The following CFAP44 variants were observed in gnomAD, a reference collection of about 807,000 sequenced individuals.
CFAP44 encodes cilia and flagella associated protein 44, also known as cilia- and flagella-associated protein 44.
In CFAP44, 134 loss-of-function variants were observed where a neutral mutation model predicts 216.2. That is an observed-to-expected ratio of 0.62 (90% CI 0.54 to 0.72). CFAP44 has a LOEUF of 0.72. CFAP44 is among the 30% of genes least tolerant of loss of function. The pLI, the probability that CFAP44 is intolerant of heterozygous loss-of-function variation, is 0.00. For missense variants in CFAP44, 2,035 were observed against 2,182.1 expected, an observed-to-expected ratio of 0.93 and a Z score of 1.34; for synonymous variants, 700 against 727.6, an observed-to-expected ratio of 0.96 and a Z score of 0.61.
chr3:113,429,039 T>C (rs1430701650), intron 2 of CFAP44: 2 of 152,144 alleles, frequency 1.3e-5, no homozygotes, highest in Admixed American at 6.5e-5. Flanking sequence ...ACAAATGCTA[T>C]GGTTGCACAT....
chr3:113,401,802 C>A (rs1934150193), intron 9 of CFAP44, 63 bp from the exon 10 acceptor site: 3 of 1,481,456 alleles, frequency 2.0e-6, no homozygotes, highest in African/African-American at 1.4e-5. Context: ...ATTTTCTAAG[C>A]CAGAAAAACC....
intron 17 of CFAP44, among the ~76,000 whole-genome samples, chr3:113,376,077 A>T (rs1933334637): frequency 6.6e-6 from 1 of 152,188 alleles, no homozygotes; most frequent in African/African-American, 2.4e-5. Context: ...TTTTTAAAAG[A>T]CAAATATAAT....
At chr3:113,360,638 T>C (rs1240888477) in intron 21 of CFAP44, 1 of 154,596 alleles carries the variant, frequency 6.5e-6, no homozygotes, top group Admixed American at 6.5e-5. Flanking sequence ...AGAAGATGTT[T>C]CTCTTGCTGG....
At chr3:113,355,785 C>T (rs1559921522) in intron 22 of CFAP44, among the ~76,000 whole-genome samples, 4 of 149,950 alleles carry the variant, frequency 2.7e-5, no homozygotes, top group African/African-American at 9.8e-5. Context: ...AAAAAAGTTA[C>T]AAAAAAAATT....
intron 34 of CFAP44, among the ~76,000 whole-genome samples, chr3:113,293,485 T>C (rs943510930): frequency 2.0e-5 from 3 of 151,932 alleles, no homozygotes; most frequent in Non-Finnish European, 2.9e-5. Flanking sequence ...CATGTAAACA[T>C]ATACTGTGTA....
intron 23 of CFAP44, among the ~76,000 whole-genome samples, chr3:113,343,042 C>A (rs1408004206): frequency 7.2e-6 from 1 of 139,348 alleles, no homozygotes; most frequent in African/African-American, 2.6e-5. Context: ...TAACAAGTTT[C>A]TTTTCTTTCT....
At chr3:113,355,859 G>T (rs2107305152) in intron 22 of CFAP44, among the ~76,000 whole-genome samples, 1 of 151,750 alleles carries the variant, frequency 6.6e-6, no homozygotes, top group South Asian at 2.1e-4. Context: ...TTACCAGGCA[G>T]ATAGGCAAAA....
chr3:113,421,162 C>G (rs1273727936), intron 4 of CFAP44, among the ~76,000 whole-genome samples: 1 of 151,944 alleles, frequency 6.6e-6, no homozygotes, highest in Non-Finnish European at 1.5e-5. Flanking sequence ...AAAAAATAAT[C>G]CCACTAAAAA....
chr3:113,404,146 T>C, intron 8 of CFAP44, 130 bp from the exon 9 acceptor site: 2 of 1,159,910 alleles, frequency 1.7e-6, no homozygotes, highest in Non-Finnish European at 2.3e-6. Flanking sequence ...AATGGAAAAA[T>C]AAAAAAATAC....
At chr3:113,320,903 T>C (rs977277219) in intron 28 of CFAP44, among the ~76,000 whole-genome samples, 3 of 152,094 alleles carry the variant, frequency 2.0e-5, no homozygotes, top group Admixed American at 2.0e-4. Context: ...GACTCAAAAG[T>C]TAATCTCCTT....
chr3:113,304,773 A>G (rs1576538219), intron 31 of CFAP44, among the ~76,000 whole-genome samples: 1 of 152,194 alleles, frequency 6.6e-6, no homozygotes, highest in African/African-American at 2.4e-5. Context: ...GCATTCTTAA[A>G]TCATAGGCTC....
intron 6 of CFAP44, among the ~76,000 whole-genome samples, chr3:113,415,737 T>G (rs1438646053): frequency 6.6e-6 from 1 of 152,060 alleles, no homozygotes; most frequent in Non-Finnish European, 1.5e-5. Flanking sequence ...ACTGTTATGA[T>G]TTCAACTCTT....
Position 113,288,096 on chromosome 3 carries a change from A to AT in CFAP44, c.*3460dup, listed in dbSNP as rs1418630990. 2.0e-5 allele frequency: 3 copies of AT among 152,158 alleles called. No homozygotes were observed. The highest frequency in any genetic ancestry group is 7.2e-5 in the African/African-American group (3 of 41,410). The allele number at this position is 152,158 out of a possible 1,614,324, so 9.4% of individuals were successfully genotyped here. A position where few individuals can be genotyped will look rare whatever the true frequency, so the allele number is the denominator to read the frequency against. On this transcript the variant is annotated 3_prime_UTR_variant, in exon 35 of 35. Transcript: ENST00000393845. Reference sequence around the variant, plus strand: ...GCTGGAGAGGGTGGGGGGAGCCTGTATTTTCTAGATTTCTGTAAAATTGAG... The same window carrying AT: ...GCTGGAGAGGGTGGGGGGAGCCTGTATTTTTCTAGATTTCTGTAAAATTGAG...
intron 26 of CFAP44, among the ~76,000 whole-genome samples, chr3:113,328,308 C>CTTTTTTTTTTTTTTTTTTTTT (rs1553753817): frequency 6.7e-6 from 1 of 149,042 alleles, no homozygotes; most frequent in African/African-American, 2.5e-5. Context: ...CAATCTCTTT[C>CTTTTTTTTTTTTTTTTTTTTT]TAAGATTGAA....
intron 15 of CFAP44, among the ~76,000 whole-genome samples, chr3:113,384,186 G>A (rs1354409542): frequency 6.6e-6 from 1 of 151,912 alleles, no homozygotes; most frequent in Non-Finnish European, 1.5e-5. Flanking sequence ...AGCCTCCCAA[G>A]TAGGTGGGAC....
chr3:113,367,260 A>C (rs906199760), intron 18 of CFAP44, among the ~76,000 whole-genome samples: 1 of 152,218 alleles, frequency 6.6e-6, no homozygotes, highest in Non-Finnish European at 1.5e-5. Context: ...CTGCCTCCTC[A>C]AGTGGGTCCC....
At chr3:113,399,438 T>C (rs1934083693) in intron 13 of CFAP44, among the ~76,000 whole-genome samples, 1 of 151,784 alleles carries the variant, frequency 6.6e-6, no homozygotes, top group African/African-American at 2.4e-5. Flanking sequence ...TAACATAACA[T>C]GTACTTAACT....
rs1950572157 is a variant in CFAP44 at position 113,364,738 on chromosome 3, A to G, written c.2716-1206T>C. Among the ~76,000 whole-genome samples, 3 of 152,158 alleles carry G rather than the reference A, an allele frequency of 2.0e-5. No individual in the cohort carries two copies. In the South Asian group the frequency reaches 6.2e-4, roughly 32 times the overall value. ...CAATGGGTCTCAATCCTAGCTACAC[A>G]GTAGAATCACATGAAGGATAGTGTA... On this transcript the variant is annotated intron_variant, in intron 19 of 34. Transcript: ENST00000393845.
At chr3:113,365,795 T>C (rs1043543952) in intron 19 of CFAP44, among the ~76,000 whole-genome samples, 2 of 152,118 alleles carry the variant, frequency 1.3e-5, no homozygotes, top group African/African-American at 2.4e-5. Context: ...TTTAACTACA[T>C]AGAAAAACTG....
Sources: allele counts gnomAD v4.1 joint callset (sites outside exome capture counted in the v4.1 genomes callset), GRCh38; gene constraint gnomAD v4.1.1; transcripts MANE v1.5; gene names NCBI Gene and HGNC (gene_info 2026-07-23, HGNC 2026-07-21).